Variants in AFAP1 observed in about 807,000 individuals in gnomAD.
AFAP1 encodes the protein actin filament-associated protein 1.
AFAP1 carries 75 observed loss-of-function variants against 93.9 expected under a neutral mutation model. The observed-to-expected ratio is 0.80, with a 90% CI of 0.66 to 0.97. AFAP1 has a LOEUF of 0.97. AFAP1 is among the 50% of genes least tolerant of loss of function. The pLI is 0.00. For synonymous variants in AFAP1, 517 were observed against 430.7 expected (o/e 1.20, Z -2.48); for missense variants, 1,201 against 1,050.8 (o/e 1.14, Z -1.98).
At chr4:7,874,121 T>G (rs1717310525) in intron 1 of AFAP1, among the ~76,000 whole-genome samples, 1 of 152,164 alleles carries the variant, frequency 6.6e-6, no homozygotes, top group Non-Finnish European at 1.5e-5. Flanking sequence ...CAGTGAACCA[T>G]GATGTAACAA....
At chr4:7,787,382 G>T (rs538954041) in intron 11 of AFAP1, among the ~76,000 whole-genome samples, 1 of 152,310 alleles carries the variant, frequency 6.6e-6, no homozygotes, top group South Asian at 2.1e-4. Context: ...TTCTGTGAGC[G>T]TTCTAGCAAT....
intron 3 of AFAP1, among the ~76,000 whole-genome samples, chr4:7,856,376 G>A (rs1269995239): frequency 6.6e-6 from 1 of 151,882 alleles, no homozygotes; most frequent in Admixed American, 6.6e-5. Flanking sequence ...CCAAGTAACT[G>A]GGACTACAGG....
rs143271001 is a variant in AFAP1 at position 7,848,099 on chromosome 4, AGAAGGAAG to A, written c.335-4757_335-4750del. ...TGGACGGAAGGAGGGAGGGAAGGAA[AGAAGGAAG>A]GAAGGAAGGAAGGAAGGAAGGGAGT... On this transcript the variant is annotated intron_variant, in intron 4 of 17. Coordinates refer to ENST00000420658, the MANE Select transcript of AFAP1 (RefSeq NM_001134647.2). 5.7e-4 allele frequency among the ~76,000 whole-genome samples: 66 copies of A among 116,112 alleles called. 2 individuals are homozygous for A. The highest frequency in any genetic ancestry group is 2.1e-3 in the African/African-American group (52 of 24,720). The allele number at this position is 116,112 out of a possible 152,430, so 76.2% of individuals were successfully genotyped here. A position where few individuals can be genotyped will look rare whatever the true frequency, so the allele number is the denominator to read the frequency against.
At chr4:7,845,942 C>T (rs1456463716) in intron 4 of AFAP1, among the ~76,000 whole-genome samples, 1 of 152,044 alleles carries the variant, frequency 6.6e-6, no homozygotes, top group Non-Finnish European at 1.5e-5. Context: ...GAGCCGGGCA[C>T]GAGGGGGCAG....
At chr4:7,839,660 G>C (rs1712751955) in intron 5 of AFAP1, among the ~76,000 whole-genome samples, 1 of 152,122 alleles carries the variant, frequency 6.6e-6, no homozygotes, top group African/African-American at 2.4e-5. Flanking sequence ...TCACTCTAAA[G>C]ATTTCGACTG....
intron 1 of AFAP1, among the ~76,000 whole-genome samples, chr4:7,881,941 A>G (rs1026828561): frequency 8.5e-5 from 13 of 152,236 alleles, no homozygotes; most frequent in Non-Finnish European, 1.6e-4. Context: ...TCTCAGCATC[A>G]TCATGAGGAT....
intron 16 of AFAP1, among the ~76,000 whole-genome samples, chr4:7,770,101 G>A (rs980158589): frequency 6.6e-6 from 1 of 152,222 alleles, no homozygotes; most frequent in African/African-American, 2.4e-5. Flanking sequence ...CGGGGACAGA[G>A]GATGGCACCA....
chr4:7,839,994 G>A (rs560219210), intron 5 of AFAP1, among the ~76,000 whole-genome samples: 2 of 152,078 alleles, frequency 1.3e-5, no homozygotes, highest in Admixed American at 6.6e-5. Context: ...GCTGAATGTC[G>A]ACATCATATG....
intron 1 of AFAP1, among the ~76,000 whole-genome samples, chr4:7,928,529 A>AT (rs1487195231): frequency 6.6e-6 from 1 of 152,068 alleles, no homozygotes; most frequent in African/African-American, 2.4e-5. Flanking sequence ...CTGGGACTAC[A>AT]GGCACGCACC....
chr4:7,898,823 G>GTGTGTGTGTGTGTA (rs1718944817), intron 1 of AFAP1, among the ~76,000 whole-genome samples: 1 of 151,290 alleles, frequency 6.6e-6, no homozygotes, highest in Non-Finnish European at 1.5e-5. Context: ...GTGTGTGTGT[G>GTGTGTGTGTGTGTA]TGTGTGTGTG....
intron 1 of AFAP1, among the ~76,000 whole-genome samples, chr4:7,925,564 T>C (rs561402031): frequency 6.6e-6 from 1 of 150,678 alleles, no homozygotes; most frequent in Non-Finnish European, 1.5e-5. Flanking sequence ...AATACAAAAT[T>C]AGCTAGGCGT....
chr4:7,804,324 T>C (rs74508458), intron 9 of AFAP1, among the ~76,000 whole-genome samples: 14,912 of 152,246 alleles, frequency 0.098, 1,075 homozygotes, highest in East Asian at 0.28. Context: ...CAGGTCCAGA[T>C]AGAACTGATT....
chr4:7,780,577 C>T (rs980983329), intron 13 of AFAP1, among the ~76,000 whole-genome samples: 1 of 151,894 alleles, frequency 6.6e-6, no homozygotes, highest in Non-Finnish European at 1.5e-5. Flanking sequence ...ACTTGGGAGG[C>T]CAAGGAAGGA....
chr4:7,851,741 C>G (rs1289452508), intron 4 of AFAP1, among the ~76,000 whole-genome samples: 1 of 152,174 alleles, frequency 6.6e-6, no homozygotes, highest in African/African-American at 2.4e-5. Flanking sequence ...CCCTACCTGC[C>G]AACAGCAGAC....
intron 1 of AFAP1, among the ~76,000 whole-genome samples, chr4:7,896,715 C>A (rs1718797571): frequency 8.8e-6 from 1 of 113,516 alleles, no homozygotes; most frequent in African/African-American, 3.5e-5. Flanking sequence ...TCATTCCCCC[C>A]ACACCCAGGG....
chr4:7,923,507 T>C (rs1299953674), intron 1 of AFAP1, among the ~76,000 whole-genome samples: 3 of 152,024 alleles, frequency 2.0e-5, no homozygotes, highest in Non-Finnish European at 2.9e-5. Context: ...TGAGATGGAG[T>C]CTCGCTCTGT....
At chr4:7,773,446 A>T (rs1715714477) in intron 15 of AFAP1, 1 of 170,362 alleles carries the variant, frequency 5.9e-6, no homozygotes, top group Non-Finnish European at 1.3e-5. Context: ...TCTCTACTGG[A>T]CATGGCACAC....
chr4:7,924,001 A>T (rs996657976), intron 1 of AFAP1, among the ~76,000 whole-genome samples: 1 of 152,252 alleles, frequency 6.6e-6, no homozygotes, highest in Non-Finnish European at 1.5e-5. Flanking sequence ...TATGCAAACA[A>T]GTCAGTACTT....
chr4:7,906,386 G>T (rs948454778), intron 1 of AFAP1, among the ~76,000 whole-genome samples: 2 of 152,168 alleles, frequency 1.3e-5, no homozygotes, highest in African/African-American at 4.8e-5. Flanking sequence ...AAAAACAAAC[G>T]TATGAAATCA....
Sources: gnomAD v4.1 joint callset for allele counts (sites outside exome capture counted in the v4.1 genomes callset) on GRCh38, gnomAD v4.1.1 for gene constraint, MANE v1.5 for transcripts, NCBI Gene and HGNC (gene_info 2026-07-23, HGNC 2026-07-21) for gene names.